The following ADCY8 variants were observed in gnomAD, a reference collection of about 807,000 sequenced individuals.
ADCY8 encodes adenylate cyclase type 8.
In ADCY8, 51 loss-of-function variants were observed where a neutral mutation model predicts 119.7. The observed-to-expected ratio is 0.43, with a 90% CI of 0.34 to 0.54. ADCY8 has a LOEUF of 0.54. Ranked by LOEUF, ADCY8 falls within the 20% of genes least tolerant of loss-of-function variation. The pLI is 0.03. For missense variants in ADCY8, 1,383 were observed against 1,598.8 expected (o/e 0.87, Z 2.30); for synonymous variants, 665 against 651.0 (o/e 1.02, Z -0.33).
chr8:131,040,497 C>T lies in ADCY8; in HGVS notation c.-164G>A, dbSNP rs1463349104. 1 of 832,332 alleles carries T rather than the reference C, an allele frequency of 1.2e-6. No individual in the cohort carries two copies. The allele number at this position is 832,332 out of a possible 1,614,324, so 51.6% of individuals were successfully genotyped here. A position where few individuals can be genotyped will look rare whatever the true frequency, so the allele number is the denominator to read the frequency against. On this transcript the variant is annotated 5_prime_UTR_variant, in exon 1 of 18. It removes an upstream start codon present in the reference 5' UTR. Coordinates refer to ENST00000286355, the MANE Select transcript of ADCY8 (RefSeq NM_001115.3). ...CGCTAGGGCTCCCTGTAGGTCGGGT[C>T]ATACTGTGCCCAGGGGCAAAGGGCA...
At chr8:130,796,019 T>C (rs1265593810) in intron 15 of ADCY8, among the ~76,000 whole-genome samples, 2 of 152,194 alleles carry the variant, frequency 1.3e-5, no homozygotes, top group Admixed American at 6.5e-5. Context: ...ATGTTTCAGC[T>C]TAAAAATCCT....
chr8:130,975,005 G>A (rs530786586), intron 2 of ADCY8, among the ~76,000 whole-genome samples: 1 of 152,088 alleles, frequency 6.6e-6, no homozygotes, highest in Middle Eastern at 3.2e-3. Context: ...TCTGACCTAT[G>A]CCCTTTATAA....
chr8:130,809,429 C>A (rs989697558), intron 14 of ADCY8, among the ~76,000 whole-genome samples: 3 of 152,128 alleles, frequency 2.0e-5, no homozygotes, highest in African/African-American at 7.2e-5. Flanking sequence ...CTTATGATAC[C>A]TTTGCTCTGG....
At chr8:130,983,237 G>A (rs566356213) in intron 2 of ADCY8, among the ~76,000 whole-genome samples, 21 of 152,212 alleles carry the variant, frequency 1.4e-4, no homozygotes, top group South Asian at 6.2e-4. Flanking sequence ...TACTCTAAGC[G>A]AGGGCTGCCT....
chr8:130,815,341 G>A (rs563598949), intron 13 of ADCY8, among the ~76,000 whole-genome samples: 1 of 152,290 alleles, frequency 6.6e-6, no homozygotes, highest in East Asian at 1.9e-4. Flanking sequence ...TTACCACGTA[G>A]TAACAGGTTT....
intron 8 of ADCY8, among the ~76,000 whole-genome samples, chr8:130,869,128 T>A (rs1419138304): frequency 6.6e-6 from 1 of 152,248 alleles, no homozygotes; most frequent in Non-Finnish European, 1.5e-5. Context: ...AGCACAATGC[T>A]GTTCAGAGAC....
At position 130,817,516 on chromosome 8, in the gene ADCY8, C is replaced by T. The variant is rs544424315; in HGVS notation, c.2755-3289G>A. Among the ~76,000 whole-genome samples, 201 of 152,122 alleles carry T rather than the reference C, an allele frequency of 1.3e-3. 2 individuals are homozygous for T. The highest frequency in any genetic ancestry group is 1.9e-3 in the Non-Finnish European group (132 of 67,978). Reference sequence around the variant, plus strand: ...GACTTTATTGGAAGATTTTTTAATACGGGAAACCAGGAGTCTATCAGAGAC... The same window carrying T: ...GACTTTATTGGAAGATTTTTTAATATGGGAAACCAGGAGTCTATCAGAGAC... On this transcript the variant is annotated intron_variant, in intron 13 of 17. Coordinates refer to ENST00000286355, the MANE Select transcript of ADCY8 (RefSeq NM_001115.3).
At chr8:130,864,649 C>T (rs1378891414) in intron 9 of ADCY8, among the ~76,000 whole-genome samples, 27 of 152,058 alleles carry the variant, frequency 1.8e-4, no homozygotes, top group Non-Finnish European at 2.9e-5. Flanking sequence ...ACTATTGAGC[C>T]CATTGAAGGC....
intron 1 of ADCY8, among the ~76,000 whole-genome samples, chr8:131,032,803 A>G: frequency 6.6e-6 from 1 of 152,140 alleles, no homozygotes; most frequent in East Asian, 1.9e-4. Flanking sequence ...TTTCCTGGGG[A>G]AGTGCAGGGA....
At chr8:130,787,460 C>T (rs936460411) in intron 15 of ADCY8, among the ~76,000 whole-genome samples, 2 of 152,016 alleles carry the variant, frequency 1.3e-5, no homozygotes, top group South Asian at 2.1e-4. Flanking sequence ...ACTATGTGTG[C>T]ATATTGCGTG....
At chr8:130,923,843 A>G (rs1484828232) in intron 5 of ADCY8, among the ~76,000 whole-genome samples, 1 of 152,226 alleles carries the variant, frequency 6.6e-6, no homozygotes, top group Non-Finnish European at 1.5e-5. Context: ...TCTAGCTAAT[A>G]TCATGTTTCT....
chr8:130,904,138 A>G, intron 6 of ADCY8, 96 bp from the exon 7 acceptor site: 1 of 1,263,276 alleles, frequency 7.9e-7, no homozygotes, highest in Non-Finnish European at 1.1e-6. Context: ...AGGGTTACAC[A>G]AGGGTATTAT....
chr8:130,899,702 T>C (rs1215163639), intron 7 of ADCY8, among the ~76,000 whole-genome samples: 1 of 152,172 alleles, frequency 6.6e-6, no homozygotes, highest in Non-Finnish European at 1.5e-5. Context: ...CACTTGAGTA[T>C]CTGTTAAATA....
intron 15 of ADCY8, among the ~76,000 whole-genome samples, chr8:130,797,993 A>ACTCTGGT (rs1290594639): frequency 6.6e-6 from 1 of 152,034 alleles, no homozygotes; most frequent in Admixed American, 6.6e-5. Context: ...GTGGTATGTG[A>ACTCTGGT]CTCTGGTCAT....
intron 12 of ADCY8, among the ~76,000 whole-genome samples, chr8:130,823,055 C>T (rs1439628154): frequency 6.6e-6 from 1 of 152,176 alleles, no homozygotes; most frequent in Admixed American, 6.5e-5. Flanking sequence ...GACTTCTTCC[C>T]AAATCCCTGC....
intron 8 of ADCY8, among the ~76,000 whole-genome samples, chr8:130,883,523 C>A (rs965355375): frequency 6.6e-6 from 1 of 152,156 alleles, no homozygotes; most frequent in African/African-American, 2.4e-5. Context: ...ATTGGGAATG[C>A]TGTATGTGCA....
At chr8:130,871,464 TATCTC>T (rs1259475272) in intron 8 of ADCY8, among the ~76,000 whole-genome samples, 1 of 152,202 alleles carries the variant, frequency 6.6e-6, no homozygotes, top group Non-Finnish European at 1.5e-5. Flanking sequence ...TAATAGGAAT[TATCTC>T]ATAAGGGTTA....
At chr8:130,904,176 G>A in intron 6 of ADCY8, 134 bp from the exon 7 acceptor site, 2 of 884,172 alleles carry the variant, frequency 2.3e-6, no homozygotes, top group Non-Finnish European at 3.5e-6. Flanking sequence ...GACAATACTT[G>A]TCTTCCTAAA....
chr8:131,012,951 G>C lies in ADCY8; in HGVS notation c.961-22409C>G, dbSNP rs77824407. On this transcript the variant is annotated intron_variant, in intron 1 of 17. Coordinates refer to ENST00000286355, the MANE Select transcript of ADCY8 (RefSeq NM_001115.3). Reference sequence around the variant, plus strand: ...TCTGCTTCTCAGAAGACCTAACTTTGAACAACTAACAAATGTGCATTACCC... The same window carrying C: ...TCTGCTTCTCAGAAGACCTAACTTTCAACAACTAACAAATGTGCATTACCC... Among the ~76,000 whole-genome samples, 1,502 of 152,246 alleles carry C rather than the reference G, an allele frequency of 9.9e-3. 30 individuals carry two copies. The highest frequency in any genetic ancestry group is 0.034 in the African/African-American group (1,428 of 41,528).
Sources: allele counts gnomAD v4.1 joint callset (sites outside exome capture counted in the v4.1 genomes callset), GRCh38; gene constraint gnomAD v4.1.1; transcripts MANE v1.5; gene names NCBI Gene and HGNC (gene_info 2026-07-23, HGNC 2026-07-21).